GLG1: variants seen among roughly 807,000 people sequenced by gnomAD.
GLG1 encodes the protein golgi glycoprotein 1.
GLG1 carries 38 observed loss-of-function variants against 160.5 expected under a neutral mutation model. That is an observed-to-expected ratio of 0.24 (90% CI 0.18 to 0.31). The LOEUF (loss-of-function observed/expected upper bound fraction) is 0.31. Ranked by LOEUF, GLG1 falls within the 10% of genes least tolerant of loss-of-function variation. The pLI is 1.00. For synonymous variants in GLG1, 644 were observed against 543.4 expected (o/e 1.19, Z -2.57); for missense variants, 1,373 against 1,505.2 (o/e 0.91, Z 1.45).
intron 2 of GLG1, among the ~76,000 whole-genome samples, chr16:74,522,700 T>C (rs1010501003): frequency 2.6e-5 from 4 of 152,200 alleles, no homozygotes; most frequent in Non-Finnish European, 4.4e-5. Flanking sequence ...ATTTATTTAT[T>C]TGAGACAGGA....
chr16:74,521,184 T>G (rs1376063195), intron 2 of GLG1, among the ~76,000 whole-genome samples: 1 of 152,090 alleles, frequency 6.6e-6, no homozygotes. Flanking sequence ...GTGGCTTAAG[T>G]AGAGGTGGCA....
intron 22 of GLG1, among the ~76,000 whole-genome samples, chr16:74,460,938 AC>A (rs1435695233): frequency 2.0e-5 from 3 of 152,248 alleles, no homozygotes; most frequent in Non-Finnish European, 4.4e-5. Flanking sequence ...ACACGCGCGT[AC>A]CCGCACACAC....
In GLG1 at chr16:74,569,248, CTT is replaced by C. The variant is rs1348476947; in HGVS notation, c.439-37097_439-37096del. 2.0e-5 allele frequency among the ~76,000 whole-genome samples: 3 copies of C among 152,182 alleles called. No individual in the cohort carries two copies. In the East Asian group the frequency reaches 5.8e-4, roughly 29 times the overall value. ...AACTGTGAGAATGATGTAAGATGGT[CTT>C]AGAATGGAGTGGTCAGAATTCCCTA... is the stretch of plus-strand genomic sequence containing the variant. On this transcript the variant is annotated intron_variant, in intron 1 of 25. Transcript: ENST00000422840.
intron 1 of GLG1, among the ~76,000 whole-genome samples, chr16:74,581,414 C>T (rs574864289): frequency 6.6e-6 from 1 of 151,768 alleles, no homozygotes; most frequent in Admixed American, 6.6e-5. Context: ...ATCACGATTC[C>T]ACTTACATGG....
chr16:74,604,294 C>T (rs150713634), intron 1 of GLG1, among the ~76,000 whole-genome samples: 2 of 152,296 alleles, frequency 1.3e-5, no homozygotes, highest in Non-Finnish European at 2.9e-5. Flanking sequence ...CATGAATGAA[C>T]TGATATGTAG....
intron 7 of GLG1, among the ~76,000 whole-genome samples, chr16:74,492,464 G>A (rs540337502): frequency 3.4e-4 from 51 of 151,522 alleles, no homozygotes; most frequent in Middle Eastern, 3.5e-3. Context: ...GGAGGATCAC[G>A]TGAGGGCAGG....
At chr16:74,524,397 C>G (rs1437071953) in intron 2 of GLG1, among the ~76,000 whole-genome samples, 1 of 151,992 alleles carries the variant, frequency 6.6e-6, no homozygotes, top group Non-Finnish European at 1.5e-5. Context: ...TGCTGTAGGC[C>G]TTTTTATAGA....
At chr16:74,477,350 TAAC>T in intron 12 of GLG1, 43 bp downstream of exon 12, 7 of 1,446,716 alleles carry the variant, frequency 4.8e-6, no homozygotes, top group Non-Finnish European at 6.8e-6. Flanking sequence ...TGTTAAACAT[TAAC>T]ATCATCATTA....
chr16:74,478,966 G>C (rs2015494661), intron 11 of GLG1, among the ~76,000 whole-genome samples: 1 of 142,184 alleles, frequency 7.0e-6, no homozygotes, highest in Admixed American at 7.4e-5. Flanking sequence ...AGCACTTTGG[G>C]AGGCCCAGGT....
intron 25 of GLG1, among the ~76,000 whole-genome samples, chr16:74,454,558 G>A (rs1039595072): frequency 4.9e-4 from 74 of 149,772 alleles, no homozygotes; most frequent in Non-Finnish European, 5.2e-4. Context: ...CCCAGCTACT[G>A]GGGAGGCTGA....
rs2014623214 is a variant in GLG1, at chr16:74,457,896, G to A, written c.3243C>T (p.Ala1081=). ...TACGACGCCCGCGGCCAGGGGTGAT[G>A]GCTGCGCAGTGGTGTTTAATGTCCA... The part of the protein sequence containing the change: ...CALDIKHHCA[A]ITPGRGRQMS... The change falls in exon 24 of 26, where the codon GCC becomes GCT. Residue 1081 remains alanine, a synonymous_variant. Coordinates refer to ENST00000422840, the MANE Select transcript of GLG1 (RefSeq NM_001145667.2). 3.7e-6 allele frequency: 6 copies of A among 1,614,026 alleles called. No homozygotes were observed. The South Asian group carries it at 5.5e-5, about 15-fold the overall frequency.
chr16:74,514,197 C>A (rs1012803735), intron 2 of GLG1, among the ~76,000 whole-genome samples: 3 of 152,168 alleles, frequency 2.0e-5, no homozygotes, highest in Non-Finnish European at 4.4e-5. Flanking sequence ...GAGAATGGAA[C>A]CAAGTTAGAA....
intron 2 of GLG1, among the ~76,000 whole-genome samples, chr16:74,529,874 T>C (rs531095066): frequency 1.5e-5 from 2 of 132,994 alleles, no homozygotes; most frequent in African/African-American, 5.7e-5. Flanking sequence ...TGGAGGGCAG[T>C]GGCACGATCT....
intron 6 of GLG1, 27 bp from the exon 7 acceptor site, chr16:74,493,167 T>C (rs1176378922): frequency 6.5e-7 from 1 of 1,539,522 alleles, no homozygotes; most frequent in Non-Finnish European, 8.9e-7. Context: ...GCAACAGCCG[T>C]GAGACCACTC....
chr16:74,593,696 A>G (rs1958237749), intron 1 of GLG1, among the ~76,000 whole-genome samples: 1 of 151,906 alleles, frequency 6.6e-6, no homozygotes, highest in African/African-American at 2.4e-5. Flanking sequence ...CGGCCTCGCA[A>G]AGTGCTGGGA....
chr16:74,596,871 C>A (rs1346687787), intron 1 of GLG1, among the ~76,000 whole-genome samples: 2 of 152,150 alleles, frequency 1.3e-5, no homozygotes, highest in Non-Finnish European at 2.9e-5. Context: ...AATTCCAGCA[C>A]TCTGGGAGGC....
chr16:74,564,895 C>T (rs922301790), intron 1 of GLG1, among the ~76,000 whole-genome samples: 1 of 152,098 alleles, frequency 6.6e-6, no homozygotes, highest in African/African-American at 2.4e-5. Context: ...AGGAGGTTGC[C>T]CCTGCTCTAA....
chr16:74,478,001 T>TAAATAAAC (rs2015453336), intron 11 of GLG1, among the ~76,000 whole-genome samples: 1 of 151,032 alleles, frequency 6.6e-6, no homozygotes, highest in Admixed American at 6.6e-5. Flanking sequence ...AATAAATAAA[T>TAAATAAAC]AAATAAATAA....
intron 1 of GLG1, among the ~76,000 whole-genome samples, chr16:74,560,563 G>A (rs542264388): frequency 6.6e-5 from 10 of 152,112 alleles, no homozygotes; most frequent in Admixed American, 2.6e-4. Context: ...GGATGGCCTT[G>A]AACTGACCTC....
Sources: allele counts gnomAD v4.1 joint callset (sites outside exome capture counted in the v4.1 genomes callset), GRCh38; gene constraint gnomAD v4.1.1; transcripts MANE v1.5; gene names NCBI Gene and HGNC (gene_info 2026-07-23, HGNC 2026-07-21).